BBOX1: variants seen among roughly 807,000 people sequenced by gnomAD.
The protein encoded by BBOX1 is gamma-butyrobetaine dioxygenase.
In BBOX1, 35 loss-of-function variants were observed where a neutral mutation model predicts 41.6. The observed-to-expected ratio is 0.84, with a 90% CI of 0.64 to 1.11. The LOEUF (loss-of-function observed/expected upper bound fraction) is 1.11, where lower values mean the gene tolerates loss of function less well. Ranked by LOEUF, BBOX1 falls within the 50% of genes most tolerant of loss-of-function variation. The pLI, the probability that BBOX1 is intolerant of heterozygous loss-of-function variation, is 0.00. For missense variants in BBOX1, 458 were observed against 460.6 expected (o/e 0.99, Z 0.05); for synonymous variants, 163 against 154.7 (o/e 1.05, Z -0.40).
rs760229121 is a variant in BBOX1, at chr11:27,122,056, G to A, written c.836+2211G>A. Among the ~76,000 whole-genome samples, 39 of 152,186 alleles carry A rather than the reference G, an allele frequency of 2.6e-4. 1 individual carries two copies. The highest frequency in any genetic ancestry group is 3.4e-3 in the Middle Eastern group (1 of 294). On this transcript the variant is annotated intron_variant, in intron 7 of 8. Coordinates refer to ENST00000263182, the MANE Select transcript of BBOX1 (RefSeq NM_003986.3). Reference sequence around the variant, plus strand: ...TCAACAACAGGAAATGAAACAGAGCGTTCTCAGTTAACAGAGGGCCTCCAT... The same window carrying A: ...TCAACAACAGGAAATGAAACAGAGCATTCTCAGTTAACAGAGGGCCTCCAT...
intron 4 of BBOX1, among the ~76,000 whole-genome samples, chr11:27,075,989 A>G (rs1479295730): frequency 1.3e-5 from 2 of 152,178 alleles, no homozygotes; most frequent in Non-Finnish European, 2.9e-5. Flanking sequence ...CTACTGAAAG[A>G]CACTTCCCAC....
intron 4 of BBOX1, among the ~76,000 whole-genome samples, chr11:27,091,208 A>C (rs1046252603): frequency 2.0e-5 from 3 of 151,988 alleles, no homozygotes; most frequent in Admixed American, 2.0e-4. Flanking sequence ...GACTTCCTGC[A>C]ACAGACAACT....
chr11:27,067,462 C>T (rs1385075788), intron 4 of BBOX1, among the ~76,000 whole-genome samples: 4 of 151,838 alleles, frequency 2.6e-5, no homozygotes, highest in East Asian at 1.9e-4. Flanking sequence ...GGGCCAGGCG[C>T]GGTGGCTCAC....
intron 4 of BBOX1, among the ~76,000 whole-genome samples, chr11:27,073,314 C>G (rs868733198): frequency 6.6e-6 from 1 of 152,196 alleles, no homozygotes; most frequent in Admixed American, 6.5e-5. Flanking sequence ...ATGAAAAATA[C>G]TCATCATCAC....
chr11:27,071,314 A>G (rs1040491250), intron 4 of BBOX1, among the ~76,000 whole-genome samples: 1 of 151,780 alleles, frequency 6.6e-6, no homozygotes, highest in Non-Finnish European at 1.5e-5. Context: ...CCTGGGAGGC[A>G]GAGCTTGCAG....
intron 2 of BBOX1, among the ~76,000 whole-genome samples, chr11:27,049,071 A>G (rs1851585988): frequency 6.6e-6 from 1 of 151,956 alleles, no homozygotes; most frequent in South Asian, 2.1e-4. Flanking sequence ...TACAAAAGAC[A>G]TGAACTCATC....
chr11:27,117,643 T>A (rs1283418202), intron 6 of BBOX1, among the ~76,000 whole-genome samples: 1 of 151,986 alleles, frequency 6.6e-6, no homozygotes, highest in African/African-American at 2.4e-5. Flanking sequence ...TTTTAAATTA[T>A]CTTCTGTCTT....
chr11:27,105,313 C>T (rs1478980055), intron 5 of BBOX1, among the ~76,000 whole-genome samples: 1 of 152,078 alleles, frequency 6.6e-6, no homozygotes, highest in Admixed American at 6.6e-5. Context: ...GGAGGAAGTT[C>T]GAACCCATCG....
chr11:27,078,927 G>T (rs982559929), intron 4 of BBOX1, among the ~76,000 whole-genome samples: 2 of 152,180 alleles, frequency 1.3e-5, no homozygotes, highest in Non-Finnish European at 2.9e-5. Flanking sequence ...GTGATAAACT[G>T]TAAGTACTTA....
intron 5 of BBOX1, among the ~76,000 whole-genome samples, chr11:27,105,252 G>A (rs1198278231): frequency 6.6e-6 from 1 of 152,276 alleles, no homozygotes; most frequent in South Asian, 2.1e-4. Flanking sequence ...AATGACTGAT[G>A]AATTGAGAGA....
Position 27,119,722 on chromosome 11 carries a change from G to A in BBOX1, c.713G>A (p.Cys238Tyr). The change falls in exon 7 of 9, where the codon TGC becomes TAC. Residue 238 changes from cysteine (C) to tyrosine (Y), a missense_variant. Coordinates refer to ENST00000263182, the MANE Select transcript of BBOX1 (RefSeq NM_003986.3). Reference protein sequence around the residue: ...DSEIVDGFNVCQKLKKNNPQA... With the variant: ...DSEIVDGFNVYQKLKKNNPQA... ...GAAATTGTAGATGGGTTTAATGTGT[G>A]CCAAAAACTAAAGAAAAATAATCCT... The A allele has an allele frequency of 6.2e-7, 1 of 1,604,948 alleles. No homozygotes were observed. Among genetic ancestry groups the A allele is most frequent in the South Asian group, 1.1e-5 (1 of 89,814 alleles).
intron 7 of BBOX1, among the ~76,000 whole-genome samples, chr11:27,122,341 C>T (rs1247409671): frequency 1.3e-5 from 2 of 152,036 alleles, no homozygotes; most frequent in East Asian, 3.9e-4. Flanking sequence ...CCTTGCTGAT[C>T]CACAGTATAT....
chr11:27,059,472 G>A (rs1857077085), intron 4 of BBOX1, among the ~76,000 whole-genome samples: 2 of 152,220 alleles, frequency 1.3e-5, no homozygotes, highest in African/African-American at 2.4e-5. Context: ...AGAGGAAAAT[G>A]AGTTGGAGGC....
chr11:27,096,131 C>T (rs1858430391), intron 5 of BBOX1, among the ~76,000 whole-genome samples: 1 of 152,062 alleles, frequency 6.6e-6, no homozygotes, highest in East Asian at 1.9e-4. Context: ...AGTCAGGTCT[C>T]CATTGGGATA....
chr11:27,055,789 G>T, intron 3 of BBOX1, 140 bp downstream of exon 3: 2 of 640,384 alleles, frequency 3.1e-6, no homozygotes, highest in South Asian at 2.2e-5. Context: ...TACTTGGTGC[G>T]AATTAAGTAT....
At chr11:27,102,840 A>G (rs1054115946) in intron 5 of BBOX1, among the ~76,000 whole-genome samples, 1 of 152,148 alleles carries the variant, frequency 6.6e-6, no homozygotes, top group Non-Finnish European at 1.5e-5. Flanking sequence ...ATTGGGTCAC[A>G]GCATCTTTAA....
At chr11:27,104,125 T>A (rs924397239) in intron 5 of BBOX1, among the ~76,000 whole-genome samples, 1 of 152,200 alleles carries the variant, frequency 6.6e-6, no homozygotes, top group East Asian at 1.9e-4. Flanking sequence ...GGTTTGTTTC[T>A]AGAATTCATG....
chr11:27,110,842 A>G lies in BBOX1; in HGVS notation c.534-4610A>G, dbSNP rs556220633. On this transcript the variant is annotated intron_variant, in intron 5 of 8. Coordinates refer to ENST00000263182, the MANE Select transcript of BBOX1 (RefSeq NM_003986.3). ...TGTTTATTTATTCAAAGATAATTTGATGTATATGAATATATATTAATAGAC... is the reference window on the plus strand; with the variant it reads ...TGTTTATTTATTCAAAGATAATTTGGTGTATATGAATATATATTAATAGAC... 1.7e-4 allele frequency among the ~76,000 whole-genome samples: 26 copies of G among 152,062 alleles called. No individual in the cohort carries two copies. In the East Asian group the frequency reaches 5.0e-3, roughly 29 times the overall value.
At chr11:27,124,848 A>G (rs1057447506) in intron 7 of BBOX1, among the ~76,000 whole-genome samples, 1 of 152,140 alleles carries the variant, frequency 6.6e-6, no homozygotes, top group African/African-American at 2.4e-5. Flanking sequence ...TAAATGCTGT[A>G]TTATCTTACA....
Sources: allele counts gnomAD v4.1 joint callset (sites outside exome capture counted in the v4.1 genomes callset), GRCh38; gene constraint gnomAD v4.1.1; transcripts MANE v1.5; gene names NCBI Gene and HGNC (gene_info 2026-07-23, HGNC 2026-07-21).